Variants in PDGFA observed in about 807,000 individuals in gnomAD.
The protein encoded by PDGFA is platelet derived growth factor subunit A.
In PDGFA, 9 loss-of-function variants were observed where a neutral mutation model predicts 25.6. The observed-to-expected ratio is 0.35, with a 90% confidence interval of 0.21 to 0.61. The LOEUF (loss-of-function observed/expected upper bound fraction) is 0.61, where lower values mean the gene tolerates loss of function less well. Ranked by LOEUF, PDGFA falls within the 20% of genes least tolerant of loss-of-function variation. The probability of loss-of-function intolerance (pLI) is 0.75; values close to 1 mark genes in which losing one functional copy is unlikely to be tolerated. For missense variants in PDGFA, 242 were observed against 272.8 expected (o/e 0.89, Z 0.79); for synonymous variants, 133 against 111.8 (o/e 1.19, Z -1.20).
upstream of PDGFA, chr7:519,414 T>G: frequency 6.1e-6 from 1 of 164,190 alleles, no homozygotes; most frequent in Non-Finnish European, 1.3e-5. Flanking sequence ...CAAGAAGAAC[T>G]CCGGAGGGAG....
intron 3 of PDGFA, among the ~76,000 whole-genome samples, chr7:511,670 A>C (rs1193649069): frequency 6.6e-6 from 1 of 152,122 alleles, no homozygotes; most frequent in Admixed American, 6.5e-5. Context: ...CAGAGCCATG[A>C]GCAGCACCAG....
At chr7:509,140 C>T (rs1165783211) in intron 4 of PDGFA, among the ~76,000 whole-genome samples, 2 of 152,188 alleles carry the variant, frequency 1.3e-5, no homozygotes, top group Non-Finnish European at 2.9e-5. Context: ...AGCAAGTTCA[C>T]CCGGGTGCTG....
In PDGFA at chr7:517,057, G is replaced by T. The variant is rs1304759024; in HGVS notation, c.160+337C>A. On this transcript the variant is annotated intron_variant, in intron 2 of 5. Transcript: ENST00000402802. This position sits in a 1 kb window ranked among gnomAD's most constrained non-coding sequence, Gnocchi z 7.4. ...CACGGGCCAGGGCTCTGCGCCCAGG[G>T]TCTGGGCCGGATCCTGCCGCTCCCC... 2.6e-5 allele frequency among the ~76,000 whole-genome samples: 4 copies of T among 151,418 alleles called. No homozygotes were observed. The East Asian group carries it at 7.8e-4, about 30-fold the overall frequency.
At chr7:506,768 C>T (rs1207856548) in intron 4 of PDGFA, among the ~76,000 whole-genome samples, 1 of 152,158 alleles carries the variant, frequency 6.6e-6, no homozygotes, top group East Asian at 1.9e-4. Context: ...AGCTAGGGAC[C>T]CCGGCCAGTC....
At position 500,490 on chromosome 7, in the gene PDGFA, C is replaced by G. The variant is rs751859921; in HGVS notation, c.580+626G>C. On this transcript the variant is annotated intron_variant, in intron 5 of 5. Transcript: ENST00000402802. This position sits in a 1 kb window ranked among gnomAD's most constrained non-coding sequence, Gnocchi z 5.0. ...TCTTTTCCGTTTTTTACCTGACTCC[C>G]TAGGCCTTCCTGTTAACAAAAGGGC... 1.9e-6 allele frequency: 3 copies of G among 1,614,052 alleles called. No homozygotes were observed. Among genetic ancestry groups the G allele is most frequent in the Non-Finnish European group, 2.5e-6 (3 of 1,180,020 alleles).
At chr7:506,377 G>A (rs1782568225) in intron 4 of PDGFA, among the ~76,000 whole-genome samples, 2 of 151,900 alleles carry the variant, frequency 1.3e-5, no homozygotes, top group African/African-American at 4.8e-5. Flanking sequence ...CGTGTAAGAG[G>A]CCCCTGCCCA....
At chr7:520,071 C>CGGCTCCGCGCCGG (rs746208477), upstream of PDGFA, 2 of 397,432 alleles carry the variant, frequency 5.0e-6, no homozygotes, top group Admixed American at 2.9e-5. Context: ...GCCCCGCGCC[C>CGGCTCCGCGCCGG]GGCTCCGCGC....
rs914777385 is a variant in PDGFA at position 503,712 on chromosome 7, T to C, written c.454-2470A>G. Among the ~76,000 whole-genome samples the C allele has an allele frequency of 2.0e-5, 3 of 152,116 alleles. 1 individual carries two copies. The highest frequency in any genetic ancestry group is 4.4e-5 in the Non-Finnish European group (3 of 68,006). ...GGCTTGTCCGAGGCTGAGTTAATGG[T>C]TAACCCACAGTGCAAAGGGTGCCTG... On this transcript the variant is annotated intron_variant, in intron 4 of 5. Transcript: ENST00000402802.
chr7:498,459 G>T, exon 6 of PDGFA: 1 of 1,098,826 alleles, frequency 9.1e-7, no homozygotes, highest in Non-Finnish European at 1.4e-6. Flanking sequence ...TTTTCACGGA[G>T]GAGAACAAAG....
At chr7:518,553 T>C in intron 1 of PDGFA, 1 of 190,818 alleles carries the variant, frequency 5.2e-6, no homozygotes, top group Non-Finnish European at 1.1e-5. Context: ...CGCCCCTACC[T>C]ATTTATCCGC....
In PDGFA at chr7:501,108, C is replaced by T. The variant is rs762001814; in HGVS notation, c.580+8G>A. 23 of 1,614,086 alleles carry T rather than the reference C, an allele frequency of 1.4e-5. No individual in the cohort carries two copies. Among genetic ancestry groups the T allele is most frequent in the Non-Finnish European group, 1.8e-5 (21 of 1,180,012 alleles). ...CCAACACCGATGCCGACGAAGGCAG[C>T]CACTCACCCGTGTCCTCTTCCCGAT... On this transcript the variant is annotated splice_region_variant and intron_variant, in intron 5 of 5. Transcript: ENST00000402802.
chr7:517,456 A>G lies in PDGFA; in HGVS notation c.98T>C (p.Leu33Pro). The stretch of plus-strand genomic sequence containing the variant: ...GATGCTGTGGATCTGACTGCGGGCC[A>G]GCCTCTCGATCACCTCGCGGGGGAT... Residue 33 changes from leucine (L) to proline (P), a missense_variant, in exon 2 of 6, where the codon CTG becomes CCG. Coordinates refer to ENST00000402802, the Ensembl canonical transcript of PDGFA. This position sits in a 1 kb window ranked among gnomAD's most constrained non-coding sequence, Gnocchi z 7.4. 7.2e-7 allele frequency: 1 copy of G among 1,380,730 alleles called. No homozygotes were observed. The highest frequency in any genetic ancestry group is 1.5e-5 in the South Asian group (1 of 65,154). The allele number at this position is 1,380,730 out of a possible 1,614,324, so 85.5% of individuals were successfully genotyped here.
rs1489832418 is a variant in PDGFA, at chr7:516,398, C to G, written c.160+996G>C. 3.3e-5 allele frequency among the ~76,000 whole-genome samples: 5 copies of G among 152,326 alleles called. No homozygotes were observed. In the South Asian group the frequency reaches 1.0e-3, roughly 32 times the overall value. ...TTTCACTTAATCCCCGCATGCCCCC[C>G]CTTTTTCAGAGTCCTTTGCAGGGAG... On this transcript the variant is annotated intron_variant, in intron 2 of 5. Transcript: ENST00000402802.
At chr7:501,295 T>A in intron 4 of PDGFA, 53 bp from the exon 5 acceptor site, 8 of 1,608,600 alleles carry the variant, frequency 5.0e-6, no homozygotes, top group Non-Finnish European at 6.8e-6. Flanking sequence ...GCTTCGGACA[T>A]CACGACGTGC....
At chr7:498,144 C>T (rs1418664629) in exon 6 of PDGFA, 1 of 216,832 alleles carries the variant, frequency 4.6e-6, no homozygotes, top group Non-Finnish European at 9.2e-6. Flanking sequence ...TGGAGTCGTT[C>T]CCAAAGCAGG....
intron 4 of PDGFA, among the ~76,000 whole-genome samples, chr7:508,105 G>A (rs1308767635): frequency 2.0e-5 from 3 of 152,144 alleles, no homozygotes; most frequent in Admixed American, 6.5e-5. Flanking sequence ...GTGCCCGGTC[G>A]TGTGACGAGG....
At chr7:497,969 A>AAAAAAAAAAAC (rs1583133471) in exon 6 of PDGFA, 2 of 133,746 alleles carry the variant, frequency 1.5e-5, no homozygotes, top group Admixed American at 7.9e-5. Flanking sequence ...CAAAAAAAAA[A>AAAAAAAAAAAC]AAAACAAAAC....
chr7:510,039 AC>A (rs75178677), intron 4 of PDGFA, among the ~76,000 whole-genome samples: 62,163 of 151,076 alleles, frequency 0.41, 14,033 homozygotes, highest in Non-Finnish European at 0.51. Flanking sequence ...CTGAATATCC[AC>A]CCCCTACTCC....
chr7:498,905 C>A (rs1384208836), intron 5 of PDGFA, among the ~76,000 whole-genome samples: 1 of 152,204 alleles, frequency 6.6e-6, no homozygotes, highest in East Asian at 1.9e-4. Flanking sequence ...CAGCCTAGGG[C>A]TTAGATGTGA....
Sources: gnomAD v4.1 joint callset for allele counts (sites outside exome capture counted in the v4.1 genomes callset) on GRCh38, gnomAD v4.1.1 for gene constraint, Gnocchi (gnomAD v3.1) non-coding constraint, MANE v1.5 for transcripts, NCBI Gene and HGNC (gene_info 2026-07-23, HGNC 2026-07-21) for gene names.